Variants in RYR2 observed in about 807,000 individuals in gnomAD.
The protein encoded by RYR2 is cardiac muscle ryanodine receptor-calcium release channel.
Under a neutral mutation model 601.1 loss-of-function variants are expected in RYR2, and 227 were observed. The ratio of observed to expected loss-of-function variants is 0.38; its 90% CI spans 0.34 to 0.42. RYR2 has a LOEUF of 0.42. Among genes scored for constraint, RYR2 ranks in the 10% least tolerant of loss-of-function variants. RYR2 has a pLI of 1.00. For missense variants in RYR2, 4,646 were observed against 6,156.5 expected (o/e 0.75, Z 8.21); for synonymous variants, 2,223 against 2,175.1 (o/e 1.02, Z -0.61).
At chr1:237,289,339 G>C (rs1417541770) in intron 2 of RYR2, among the ~76,000 whole-genome samples, 1 of 152,124 alleles carries the variant, frequency 6.6e-6, no homozygotes, top group Non-Finnish European at 1.5e-5. Flanking sequence ...TCCTCTACTA[G>C]TTTGTATTAG....
At chr1:237,749,767 C>G (rs1246858485) in intron 80 of RYR2, among the ~76,000 whole-genome samples, 1 of 152,160 alleles carries the variant, frequency 6.6e-6, no homozygotes, top group Non-Finnish European at 1.5e-5. Context: ...AAGTTTTTAT[C>G]ACTTTTTATC....
At chr1:237,689,300 A>T (rs941420083) in intron 63 of RYR2, among the ~76,000 whole-genome samples, 1 of 152,192 alleles carries the variant, frequency 6.6e-6, no homozygotes, top group Non-Finnish European at 1.5e-5. Context: ...CAACTTGATG[A>T]AAATGTATAT....
chr1:237,648,457 G>A lies in RYR2; in HGVS notation c.7356G>A (p.Val2452=), dbSNP rs1025810199. The change falls in exon 49 of 105, where the codon GTG becomes GTA. Residue 2452 remains valine (V), a synonymous_variant. Transcript: ENST00000366574. ...TCTCTCTTTTAGATGGGAATGTGGT[G>A]GAACCTGACATGTCTGCGGGGTTTT... The part of the protein sequence containing the change: ...MPTIAKDGNV[V]EPDMSAGFCP... 3 of 1,607,246 alleles carry A rather than the reference G, an allele frequency of 1.9e-6. No individual in the cohort carries two copies. Among genetic ancestry groups the A allele is most frequent in the Middle Eastern group, 1.7e-4 (1 of 6,044 alleles).
At chr1:237,171,475 C>T (rs755901489) in intron 1 of RYR2, among the ~76,000 whole-genome samples, 16 of 152,062 alleles carry the variant, frequency 1.1e-4, no homozygotes, top group African/African-American at 2.7e-4. Flanking sequence ...ATATGAATAA[C>T]GGAATCAGAA....
At position 237,384,536 on chromosome 1, in the gene RYR2, C is replaced by T. The variant is rs573716340; in HGVS notation, c.577-2745C>T. 3.3e-5 allele frequency among the ~76,000 whole-genome samples: 5 copies of T among 152,354 alleles called. No individual in the cohort carries two copies. In the South Asian group the frequency reaches 1.0e-3, roughly 32 times the overall value. On this transcript the variant is annotated intron_variant, in intron 8 of 104. Coordinates refer to ENST00000366574, the MANE Select transcript of RYR2 (RefSeq NM_001035.3). ...AGAACTTCTTAGAGGGCCAGGGGGC[C>T]CAGCCCACTTCTGATAGCAAGGTTT... is the stretch of plus-strand genomic sequence containing the variant.
intron 102 of RYR2, among the ~76,000 whole-genome samples, chr1:237,829,368 A>C (rs1663517762): frequency 6.6e-6 from 1 of 152,210 alleles, no homozygotes; most frequent in Non-Finnish European, 1.5e-5. Flanking sequence ...GAGTTGGGCA[A>C]GTACTGCCTG....
intron 79 of RYR2, among the ~76,000 whole-genome samples, chr1:237,734,885 C>G (rs1166373416): frequency 6.6e-6 from 1 of 152,068 alleles, no homozygotes; most frequent in African/African-American, 2.4e-5. Context: ...TAAATATAGA[C>G]TTGGAATTTA....
chr1:237,577,392 G>A (rs1253454202), intron 29 of RYR2, among the ~76,000 whole-genome samples: 3 of 152,166 alleles, frequency 2.0e-5, no homozygotes, highest in Admixed American at 1.3e-4. Context: ...TTTTGTTGAT[G>A]TGATTAAGAT....
chr1:237,321,980 C>CTATG (rs1695671385), intron 2 of RYR2, among the ~76,000 whole-genome samples: 1 of 152,120 alleles, frequency 6.6e-6, no homozygotes, highest in Non-Finnish European at 1.5e-5. Context: ...TAATGCTTAG[C>CTATG]TATGCTTCTA....
chr1:237,634,430 A>G lies in RYR2; in HGVS notation c.6689-459A>G, dbSNP rs888874413. On this transcript the variant is annotated intron_variant, in intron 43 of 104. Transcript: ENST00000366574. ...AAATCAAAGTCGAACTCATAGAAAC[A>G]GAGAGTAGAATGAGGTTACCAGGTG... 2.6e-5 allele frequency among the ~76,000 whole-genome samples: 4 copies of G among 152,330 alleles called. No homozygotes were observed. The East Asian group carries it at 7.7e-4, about 29-fold the overall frequency.
chr1:237,551,605 G>A (rs993088753), intron 27 of RYR2, among the ~76,000 whole-genome samples: 2 of 150,270 alleles, frequency 1.3e-5, no homozygotes, highest in Non-Finnish European at 1.5e-5. Flanking sequence ...GTCTGAGTTA[G>A]TTTAATACCC....
At chr1:237,615,637 CT>C (rs1678381861) in intron 37 of RYR2, among the ~76,000 whole-genome samples, 1 of 152,118 alleles carries the variant, frequency 6.6e-6, no homozygotes, top group African/African-American at 2.4e-5. Flanking sequence ...CTCCTCGTTC[CT>C]TTAGTCAGCG....
chr1:237,376,381 A>G (rs1701035637), intron 7 of RYR2, among the ~76,000 whole-genome samples: 1 of 152,192 alleles, frequency 6.6e-6, no homozygotes, highest in South Asian at 2.1e-4. Context: ...GGCTAGCAGG[A>G]GCTGGAGAAA....
intron 2 of RYR2, among the ~76,000 whole-genome samples, chr1:237,307,687 G>A (rs1007501041): frequency 6.6e-6 from 1 of 152,276 alleles, no homozygotes; most frequent in South Asian, 2.1e-4. Context: ...CTTAGAGTCT[G>A]TTCCATTCCT....
Position 237,106,630 on chromosome 1 carries a change from A to T in RYR2, c.48+64061A>T, listed in dbSNP as rs1039166893. Among the ~76,000 whole-genome samples the T allele has an allele frequency of 1.3e-5, 2 of 152,182 alleles. No individual in the cohort carries two copies. Among genetic ancestry groups the T allele is most frequent in the Non-Finnish European group, 1.5e-5 (1 of 68,032 alleles). On this transcript the variant is annotated intron_variant, in intron 1 of 104. Transcript: ENST00000366574. This position sits in a 1 kb window ranked among gnomAD's most constrained non-coding sequence, Gnocchi z 4.4. ...GAGAGAGGGCTGAAACTGTCCTTGA[A>T]AAAATGGATTTCTCAGTGTGATGTG...
At chr1:237,609,614 C>A (rs1271030491) in intron 35 of RYR2, among the ~76,000 whole-genome samples, 1 of 152,004 alleles carries the variant, frequency 6.6e-6, no homozygotes, top group African/African-American at 2.4e-5. Context: ...ATCCACCTGC[C>A]TCGGCCTCCC....
At chr1:237,389,197 G>C (rs1702178409) in intron 10 of RYR2, among the ~76,000 whole-genome samples, 1 of 152,140 alleles carries the variant, frequency 6.6e-6, no homozygotes, top group Admixed American at 6.5e-5. Context: ...AAAAGATAAT[G>C]GAGATTTTAA....
intron 63 of RYR2, among the ~76,000 whole-genome samples, chr1:237,692,100 G>A (rs1686993153): frequency 6.6e-6 from 1 of 152,214 alleles, no homozygotes; most frequent in Non-Finnish European, 1.5e-5. Context: ...CAGTAATAAT[G>A]ATGGTGGCAC....
intron 3 of RYR2, among the ~76,000 whole-genome samples, chr1:237,338,091 G>A (rs953997374): frequency 6.6e-6 from 1 of 152,140 alleles, no homozygotes; most frequent in African/African-American, 2.4e-5. Flanking sequence ...ATCGTCACAG[G>A]TGCCAGGGAT....
Sources: allele counts gnomAD v4.1 joint callset (sites outside exome capture counted in the v4.1 genomes callset), GRCh38; gene constraint gnomAD v4.1.1; non-coding constraint Gnocchi (gnomAD v3.1); transcripts MANE v1.5; gene names NCBI Gene and HGNC (gene_info 2026-07-23, HGNC 2026-07-21).